ATPAF1: variants seen among roughly 807,000 people sequenced by gnomAD.
ATPAF1 encodes the protein ATP synthase mitochondrial F1 complex assembly factor 1.
ATPAF1 carries 26 observed loss-of-function variants against 43.9 expected under a neutral mutation model. The ratio of observed to expected loss-of-function variants is 0.59; its 90% CI spans 0.43 to 0.82. The LOEUF (loss-of-function observed/expected upper bound fraction) is 0.82, where lower values mean the gene tolerates loss of function less well. Among genes scored for constraint, ATPAF1 ranks in the 40% least tolerant of loss-of-function variants. The pLI is 0.00. For synonymous variants in ATPAF1, 157 were observed against 168.0 expected, an observed-to-expected ratio of 0.93 and a Z score of 0.50; for missense variants, 366 against 435.0, an observed-to-expected ratio of 0.84 and a Z score of 1.41.
chr1:46,660,704 G>T (rs1557933261), intron 2 of ATPAF1, among the ~76,000 whole-genome samples: 1 of 152,110 alleles, frequency 6.6e-6, no homozygotes, highest in Admixed American at 6.5e-5. Flanking sequence ...CATTTAATAA[G>T]AACTTTAAAT....
chr1:46,650,490 C>G (rs1404330726), intron 6 of ATPAF1, among the ~76,000 whole-genome samples: 1 of 152,026 alleles, frequency 6.6e-6, no homozygotes, highest in Admixed American at 6.6e-5. Context: ...AAAAAGAGAA[C>G]TACCACATGA....
intron 4 of ATPAF1, among the ~76,000 whole-genome samples, chr1:46,657,891 C>A (rs2476157): frequency 1.3e-5 from 2 of 151,870 alleles, no homozygotes; most frequent in African/African-American, 2.4e-5. Context: ...GAGGGTTACA[C>A]GAGATGTGGA....
intron 4 of ATPAF1, among the ~76,000 whole-genome samples, chr1:46,656,880 A>G (rs1228194127): frequency 6.6e-6 from 1 of 152,204 alleles, no homozygotes; most frequent in Admixed American, 6.5e-5. Flanking sequence ...CGGAGGCTAA[A>G]ACTCCTTGGG....
chr1:46,658,113 T>C lies in ATPAF1; in HGVS notation c.489+14A>G. The stretch of plus-strand genomic sequence containing the variant: ...CATTTTCATAGAGTAGGCCAGCCCA[T>C]TTCCATTCATTACCTGTTTTATTTC... On this transcript the variant is annotated intron_variant, in intron 4 of 8. Coordinates refer to ENST00000574428, the Ensembl canonical transcript of ATPAF1. The C allele has an allele frequency of 6.2e-7, 1 of 1,608,342 alleles. No homozygotes were observed. The highest frequency in any genetic ancestry group is 8.5e-7 in the Non-Finnish European group (1 of 1,177,194).
intron 6 of ATPAF1, chr1:46,652,361 A>G (rs1676187460): frequency 2.2e-6 from 1 of 458,816 alleles, no homozygotes; most frequent in Non-Finnish European, 3.8e-6. Context: ...ATGATTTCAT[A>G]AGGCTGAAAA....
chr1:46,657,655 G>A (rs1401003226), intron 4 of ATPAF1, among the ~76,000 whole-genome samples: 1 of 152,140 alleles, frequency 6.6e-6, no homozygotes, highest in Non-Finnish European at 1.5e-5. Context: ...CAGACAAGTT[G>A]ATTAACTTGT....
At chr1:46,647,731 C>T (rs941310832) in intron 6 of ATPAF1, among the ~76,000 whole-genome samples, 9 of 152,128 alleles carry the variant, frequency 5.9e-5, no homozygotes, top group Admixed American at 3.9e-4. Context: ...AAGAAACAGC[C>T]GAACTATTTT....
Position 46,648,837 on chromosome 1 carries a change from G to A in ATPAF1, c.589-3581C>T, listed in dbSNP as rs1676106389. ...CTACTAAAAACATAAAAATTAGCTG[G>A]GTGTGGTGGTGGGCTCATGTAACTT... On this transcript the variant is annotated intron_variant, in intron 6 of 8. Coordinates refer to ENST00000574428, the Ensembl canonical transcript of ATPAF1. Among the ~76,000 whole-genome samples, 3 of 151,908 alleles carry A rather than the reference G, an allele frequency of 2.0e-5. No homozygotes were observed. The South Asian group carries it at 6.2e-4, about 32-fold the overall frequency.
chr1:46,650,070 C>T (rs1296945833), intron 6 of ATPAF1, among the ~76,000 whole-genome samples: 1 of 152,128 alleles, frequency 6.6e-6, no homozygotes, highest in East Asian at 1.9e-4. Flanking sequence ...ATTACTGATA[C>T]CAAGTTAGCT....
chr1:46,668,458 G>A (rs933422030), upstream of ATPAF1: 38 of 1,114,966 alleles, frequency 3.4e-5, no homozygotes, highest in African/African-American at 6.3e-4. The surrounding 1 kb of genome is among the most constrained non-coding windows in gnomAD (Gnocchi z 4.4). Context: ...TTCCGGGCGC[G>A]GGATAGCGGC....
chr1:46,638,980 C>T (rs1385014417), intron 8 of ATPAF1, among the ~76,000 whole-genome samples: 1 of 152,134 alleles, frequency 6.6e-6, no homozygotes. Context: ...ATCTCTATAC[C>T]ACTGCTGTAG....
chr1:46,663,245 A>G (rs746545784), intron 2 of ATPAF1, among the ~76,000 whole-genome samples: 1 of 152,184 alleles, frequency 6.6e-6, no homozygotes, highest in Non-Finnish European at 1.5e-5. Context: ...ATAAACATAC[A>G]TGTGCATGTG....
chr1:46,641,957 C>G (rs1675958311), intron 8 of ATPAF1, among the ~76,000 whole-genome samples: 1 of 152,094 alleles, frequency 6.6e-6, no homozygotes, highest in South Asian at 2.1e-4. Context: ...CTGGACTTCT[C>G]CCATGAAGTC....
intron 4 of ATPAF1, 109 bp downstream of exon 4, chr1:46,658,018 T>TTA: frequency 9.1e-7 from 1 of 1,102,654 alleles, no homozygotes; most frequent in Non-Finnish European, 1.3e-6. Context: ...TTGCCTTTTA[T>TTA]TATTACCTTT....
exon 3 of ATPAF1, chr1:46,658,687 C>T: frequency 1.3e-6 from 2 of 1,597,778 alleles, no homozygotes; most frequent in Non-Finnish European, 1.7e-6. Context: ...AGAAACCTAC[C>T]TTGTCCTTAG....
Position 46,668,360 on chromosome 1 carries a change from G to A in ATPAF1, c.-38C>T. 7.8e-7 allele frequency: 1 copy of A among 1,289,580 alleles called. No individual in the cohort carries two copies. The highest frequency in any genetic ancestry group is 9.8e-7 in the Non-Finnish European group (1 of 1,017,448). 79.9% of individuals were successfully genotyped at this position (1,289,580 alleles called of 1,614,324 possible). On this transcript the variant is annotated 5_prime_UTR_variant, in exon 1 of 9. Coordinates refer to ENST00000574428, the Ensembl canonical transcript of ATPAF1. This position sits in a 1 kb window ranked among gnomAD's most constrained non-coding sequence, Gnocchi z 4.4. ...CTCCTCCTCCTCCTCAGGCGCGTCGGCCTCGGCCCGCGGCCCGCGCGCCCG... is the reference window on the plus strand; with the variant it reads ...CTCCTCCTCCTCCTCAGGCGCGTCGACCTCGGCCCGCGGCCCGCGCGCCCG...
At chr1:46,639,964 T>C (rs940990708) in intron 8 of ATPAF1, among the ~76,000 whole-genome samples, 1 of 152,222 alleles carries the variant, frequency 6.6e-6, no homozygotes, top group Non-Finnish European at 1.5e-5. Context: ...ACTTTTAATA[T>C]GATTAGATGC....
chr1:46,642,063 C>T (rs912149005), intron 8 of ATPAF1, among the ~76,000 whole-genome samples: 2 of 152,164 alleles, frequency 1.3e-5, no homozygotes, highest in Non-Finnish European at 2.9e-5. Flanking sequence ...CCTGTTAGGC[C>T]TATTCCTCCT....
At chr1:46,655,079 G>C (rs1676244862) in intron 4 of ATPAF1, among the ~76,000 whole-genome samples, 1 of 152,040 alleles carries the variant, frequency 6.6e-6, no homozygotes, top group African/African-American at 2.4e-5. Flanking sequence ...TGAGCAAAAG[G>C]GGGAAAAGCC....
Sources: allele counts gnomAD v4.1 joint callset (sites outside exome capture counted in the v4.1 genomes callset), GRCh38; gene constraint gnomAD v4.1.1; non-coding constraint Gnocchi (gnomAD v3.1); transcripts MANE v1.5; gene names NCBI Gene and HGNC (gene_info 2026-07-23, HGNC 2026-07-21).